Variants in MAML2 observed in about 807,000 individuals in gnomAD.
MAML2 encodes the protein mastermind-like protein 2.
In MAML2, 22 loss-of-function variants were observed where a neutral mutation model predicts 96.1. That is an observed-to-expected ratio of 0.23 (90% CI 0.16 to 0.33). The LOEUF is 0.33. MAML2 is among the 10% of genes least tolerant of loss of function. MAML2 has a pLI of 1.00. For synonymous variants in MAML2, 561 were observed against 521.3 expected (o/e 1.08, Z -1.04); for missense variants, 1,367 against 1,392.4 (o/e 0.98, Z 0.29).
intron 1 of MAML2, among the ~76,000 whole-genome samples, chr11:96,317,634 G>A (rs1863649375): frequency 6.6e-6 from 1 of 152,186 alleles, no homozygotes; most frequent in Non-Finnish European, 1.5e-5. Flanking sequence ...GAAAGAAAAT[G>A]ACAAGAGGAA....
At chr11:96,226,098 G>A (rs964926386) in intron 1 of MAML2, among the ~76,000 whole-genome samples, 4 of 152,132 alleles carry the variant, frequency 2.6e-5, no homozygotes, top group African/African-American at 9.7e-5. Context: ...ATAAGATATG[G>A]TGCATGTTTT....
intron 2 of MAML2, among the ~76,000 whole-genome samples, chr11:96,019,748 C>A (rs1444221992): frequency 6.6e-6 from 1 of 150,878 alleles, no homozygotes; most frequent in Non-Finnish European, 1.5e-5. Context: ...AGACACCTGG[C>A]AGTGAATAGT....
chr11:96,342,626 G>C lies in MAML2; in HGVS notation c.-731C>G. 5.1e-6 allele frequency: 2 copies of C among 389,942 alleles called. No homozygotes were observed. Among genetic ancestry groups the C allele is most frequent in the Non-Finnish European group, 9.0e-6 (2 of 221,190 alleles). 24.2% of individuals were successfully genotyped at this position (389,942 alleles called of 1,614,324 possible). ...TAGGATGTTGTCTTCTCCCAAAAGA[G>C]GGAGACAGCTTTTCAACTGTTAACA... On this transcript the variant is annotated 5_prime_UTR_variant, in exon 1 of 5. Transcript: ENST00000524717.
intron 1 of MAML2, among the ~76,000 whole-genome samples, chr11:96,317,154 A>C (rs1863643696): frequency 2.0e-5 from 3 of 152,148 alleles, no homozygotes; most frequent in Non-Finnish European, 2.9e-5. Context: ...AAATTGTTCC[A>C]TCTGGGTCAC....
intron 1 of MAML2, among the ~76,000 whole-genome samples, chr11:96,135,454 T>G (rs562647264): frequency 6.6e-6 from 1 of 152,096 alleles, no homozygotes; most frequent in Non-Finnish European, 1.5e-5. Flanking sequence ...ATTATTACAC[T>G]TTTACAGAGG....
chr11:96,205,246 A>G (rs2135934004), intron 1 of MAML2, among the ~76,000 whole-genome samples: 1 of 152,346 alleles, frequency 6.6e-6, no homozygotes, highest in East Asian at 1.9e-4. Context: ...AGTCTACTTG[A>G]ATGCAGCAAA....
intron 2 of MAML2, among the ~76,000 whole-genome samples, chr11:96,015,588 G>T (rs868293185): frequency 2.3e-5 from 3 of 132,602 alleles, no homozygotes; most frequent in African/African-American, 5.3e-5. Context: ...AAAAAAAGGG[G>T]GGGGGGGCAA....
Position 96,093,094 on chromosome 11 carries a change from G to C in MAML2, c.937C>G (p.Leu313Val). 6.2e-7 allele frequency: 1 copy of C among 1,614,030 alleles called. No homozygotes were observed. Among genetic ancestry groups the C allele is most frequent in the South Asian group, 1.1e-5 (1 of 91,082 alleles). ...DPELQELFNE[L>V]TNISVPPMSD... Reference sequence around the variant, plus strand: ...ATGGGAGGCACAGATATGTTGGTCAGTTCATTGAACAGTTCCTGCAGCTCA... The same window carrying C: ...ATGGGAGGCACAGATATGTTGGTCACTTCATTGAACAGTTCCTGCAGCTCA... The change falls in exon 2 of 5, where the codon CTG (leucine) becomes GTG (valine). Residue 313 changes from leucine to valine, a missense_variant. Transcript: ENST00000524717.
chr11:96,090,675 A>C (rs1859689171), intron 2 of MAML2, among the ~76,000 whole-genome samples: 1 of 152,234 alleles, frequency 6.6e-6, no homozygotes, highest in South Asian at 2.1e-4. Context: ...TCCAAAATCT[A>C]TAATTTTTTA....
chr11:96,026,914 C>G (rs1033865530), intron 2 of MAML2, among the ~76,000 whole-genome samples: 17 of 150,954 alleles, frequency 1.1e-4, no homozygotes, highest in African/African-American at 3.9e-4. Context: ...ATACTCTAAT[C>G]AAATCTTCAC....
chr11:96,304,692 T>C (rs1007560437), intron 1 of MAML2, among the ~76,000 whole-genome samples: 1 of 152,184 alleles, frequency 6.6e-6, no homozygotes, highest in African/African-American at 2.4e-5. Flanking sequence ...AAGTAATGAA[T>C]GTATTCATAT....
intron 2 of MAML2, among the ~76,000 whole-genome samples, chr11:95,992,884 C>CT (rs201496515): frequency 0.06 from 8,711 of 144,874 alleles, 296 homozygotes; most frequent in East Asian, 0.14. Flanking sequence ...CCAACTCTCT[C>CT]TTTTTTTTTT....
At chr11:96,032,188 G>GC (rs1168765680) in intron 2 of MAML2, among the ~76,000 whole-genome samples, 1 of 151,930 alleles carries the variant, frequency 6.6e-6, no homozygotes, top group Non-Finnish European at 1.5e-5. Context: ...TAGCAAAGTG[G>GC]TGCAGCCACT....
chr11:96,105,298 T>G (rs1311264504), intron 1 of MAML2, among the ~76,000 whole-genome samples: 1 of 152,188 alleles, frequency 6.6e-6, no homozygotes. Context: ...TCCACATCTC[T>G]CTCCATGGCA....
intron 1 of MAML2, among the ~76,000 whole-genome samples, chr11:96,209,445 C>T (rs1396500379): frequency 6.6e-6 from 1 of 152,060 alleles, no homozygotes; most frequent in African/African-American, 2.4e-5. Flanking sequence ...CGAGACCAGA[C>T]TGGCCAACCT....
intron 1 of MAML2, among the ~76,000 whole-genome samples, chr11:96,336,493 A>G (rs1442737528): frequency 1.3e-5 from 2 of 152,226 alleles, no homozygotes; most frequent in Non-Finnish European, 2.9e-5. Context: ...AGCCTGCTGG[A>G]GTGTGACGGA....
At chr11:96,329,307 T>C (rs1309454536) in intron 1 of MAML2, among the ~76,000 whole-genome samples, 1 of 152,162 alleles carries the variant, frequency 6.6e-6, no homozygotes, top group African/African-American at 2.4e-5. Flanking sequence ...AGTGATTTGT[T>C]CATTACTTCT....
At chr11:96,009,658 T>C (rs1775972349) in intron 2 of MAML2, among the ~76,000 whole-genome samples, 1 of 152,184 alleles carries the variant, frequency 6.6e-6, no homozygotes, top group African/African-American at 2.4e-5. Flanking sequence ...CATTGACATA[T>C]ATCTTCACTT....
chr11:96,051,312 G>T (rs1210077642), intron 2 of MAML2, among the ~76,000 whole-genome samples: 2 of 152,070 alleles, frequency 1.3e-5, no homozygotes, highest in Non-Finnish European at 2.9e-5. Context: ...TTGATCATTA[G>T]TAATACCAGT....
Sources: allele counts gnomAD v4.1 joint callset (sites outside exome capture counted in the v4.1 genomes callset), GRCh38; gene constraint gnomAD v4.1.1; transcripts MANE v1.5; gene names NCBI Gene and HGNC (gene_info 2026-07-23, HGNC 2026-07-21).